Variants in WDR11 observed in about 807,000 individuals in gnomAD.
WDR11 encodes the protein WD repeat domain 11, also known as WD repeat-containing protein 11.
A neutral mutation model predicts 151.2 loss-of-function variants in WDR11; 83 were observed. The observed-to-expected ratio is 0.55, with a 90% confidence interval of 0.46 to 0.66. The LOEUF (loss-of-function observed/expected upper bound fraction) is 0.66, where lower values mean the gene tolerates loss of function less well. Among genes scored for constraint, WDR11 ranks in the 30% least tolerant of loss-of-function variants. The pLI is 0.00. For missense variants in WDR11, 1,301 were observed against 1,480.9 expected, an observed-to-expected ratio of 0.88 and a Z score of 1.99; for synonymous variants, 484 against 533.1, an observed-to-expected ratio of 0.91 and a Z score of 1.27.
At chr10:120,872,141 G>T (rs960862020) in intron 10 of WDR11, among the ~76,000 whole-genome samples, 1 of 152,050 alleles carries the variant, frequency 6.6e-6, no homozygotes, top group Non-Finnish European at 1.5e-5. Flanking sequence ...TTATTCTGTG[G>T]CCAACATGGC....
Position 120,860,094 on chromosome 10 carries a change from A to G in WDR11, c.353-15A>G, listed in dbSNP as rs369399079. 3.7e-6 allele frequency: 6 copies of G among 1,614,006 alleles called. No homozygotes were observed. The highest frequency in any genetic ancestry group is 1.6e-4 in the Middle Eastern group (1 of 6,084). ...TGGTTTCTGAATTTTGCCTTTCTTT[A>G]TCGGGTCTTTCCAGATGTTCAGTGG... On this transcript the variant is annotated splice_polypyrimidine_tract_variant and intron_variant, in intron 3 of 28. Coordinates refer to ENST00000263461, the MANE Select transcript of WDR11 (RefSeq NM_018117.12).
chr10:120,894,885 T>A (rs1357570546), intron 19 of WDR11, among the ~76,000 whole-genome samples: 3 of 151,690 alleles, frequency 2.0e-5, no homozygotes, highest in Non-Finnish European at 2.9e-5. Context: ...TCATGGCTGA[T>A]CTTTACCTTT....
intron 9 of WDR11, among the ~76,000 whole-genome samples, chr10:120,870,658 C>T (rs1341543485): frequency 6.6e-6 from 1 of 152,144 alleles, no homozygotes; most frequent in Admixed American, 6.5e-5. Context: ...TTTGTAATTA[C>T]ACTGACACAT....
At position 120,903,186 on chromosome 10, in the gene WDR11, C is replaced by T. The variant is rs752186454; in HGVS notation, c.2885C>T (p.Pro962Leu). 2.5e-6 allele frequency: 4 copies of T among 1,614,190 alleles called. No individual in the cohort carries two copies. The highest frequency in any genetic ancestry group is 1.1e-5 in the South Asian group (1 of 91,084). Reference sequence around the variant, plus strand: ...GCTCCTCGAGACAAACTGAGCAACCCACTGGATATATGCTATGACGTGCTC... The same window carrying T: ...GCTCCTCGAGACAAACTGAGCAACCTACTGGATATATGCTATGACGTGCTC... ...EAAPRDKLSN[P>L]LDICYDVLCE... Residue 962 changes from proline (P) to leucine (L), a missense_variant, in exon 23 of 29, where the codon CCA becomes CTA. Pro to Leu is a moderately conservative substitution (Grantham distance 98). Transcript: ENST00000263461.
chr10:120,865,151 T>C lies in WDR11; in HGVS notation c.818T>C (p.Leu273Pro), dbSNP rs767643761. The C allele has an allele frequency of 3.7e-6, 6 of 1,613,958 alleles. No individual in the cohort carries two copies. The highest frequency in any genetic ancestry group is 4.2e-6 in the Non-Finnish European group (5 of 1,179,882). ...CCTCGAGAGATTTTAATCCTTGACC[T>C]TGAGGTGAATCAGACGGTGGGTGTG... ...LYPREILILDLEVNQTVGVIA... is the reference protein window; with the variant it reads ...LYPREILILDPEVNQTVGVIA... The change falls in exon 6 of 29, where the codon CTT becomes CCT. Residue 273 changes from leucine (L) to proline (P), a missense_variant. Around this residue, in one of 3 missense-constraint regions of WDR11, gnomAD observed 692 missense variants for 762.5 expected, o/e 0.91. Coordinates refer to ENST00000263461, the MANE Select transcript of WDR11 (RefSeq NM_018117.12).
intron 21 of WDR11, among the ~76,000 whole-genome samples, chr10:120,901,697 C>T (rs1026060795): frequency 4.6e-5 from 7 of 151,974 alleles, no homozygotes; most frequent in Admixed American, 3.9e-4. Context: ...ATTTTATTGA[C>T]GGAAAATTCA....
intron 11 of WDR11, among the ~76,000 whole-genome samples, chr10:120,874,216 TGTTTTGTTTTG>T (rs1846671540): frequency 1.6e-5 from 2 of 127,002 alleles, no homozygotes; most frequent in Non-Finnish European, 3.3e-5. Context: ...TTGTTTGTTT[TGTTTTGTTTTG>T]TTTTTTTTAA....
chr10:120,896,092 C>A (rs927819279), intron 19 of WDR11, among the ~76,000 whole-genome samples: 3 of 152,206 alleles, frequency 2.0e-5, no homozygotes, highest in African/African-American at 7.2e-5. Flanking sequence ...CTGGGGACAT[C>A]TGCAGAATGG....
rs373343312 is a variant in WDR11, at chr10:120,906,049, C to T, written c.3437+28C>T. 40 of 1,612,736 alleles carry T rather than the reference C, an allele frequency of 2.5e-5. No individual in the cohort carries two copies. In the African/African-American group the frequency reaches 4.1e-4, roughly 17 times the overall value. ...AAACCGAGAGTTCACATGGGCTGCT[C>T]AGGCCTGCCCGTGAGCAGTCACTTC... On this transcript the variant is annotated intron_variant, in intron 27 of 28. Transcript: ENST00000263461.
At position 120,857,079 on chromosome 10, in the gene WDR11, C is replaced by CATATAT. The variant is rs138746996; in HGVS notation, c.199-1557_199-1552dup. On this transcript the variant is annotated intron_variant, in intron 2 of 28. Coordinates refer to ENST00000263461, the MANE Select transcript of WDR11 (RefSeq NM_018117.12). Reference sequence around the variant, plus strand: ...ACACATGCCTGAGCAAAGATTATCACATATATATATATGTATGTATTTTTT... The same window carrying CATATAT: ...ACACATGCCTGAGCAAAGATTATCACATATATATATATATATATGTATGTATTTTTT... Among the ~76,000 whole-genome samples the CATATAT allele has an allele frequency of 6.5e-3, 985 of 151,320 alleles. 13 individuals carry two copies. Among genetic ancestry groups the CATATAT allele is most frequent in the African/African-American group, 0.023 (947 of 41,200 alleles).
chr10:120,908,550 G>A lies in WDR11; in HGVS notation c.3518-6G>A, dbSNP rs773503645. 2.8e-5 allele frequency: 45 copies of A among 1,613,942 alleles called. No homozygotes were observed. The highest frequency in any genetic ancestry group is 3.8e-5 in the Non-Finnish European group (45 of 1,179,994). ...TTTACTCTTCTTTTCCTTAACTATG[G>A]TTTACAGAAACTCATCACTGCTATA... On this transcript the variant is annotated splice_polypyrimidine_tract_variant and splice_region_variant and intron_variant, in intron 28 of 28. Coordinates refer to ENST00000263461, the MANE Select transcript of WDR11 (RefSeq NM_018117.12).
intron 28 of WDR11, 24 bp from the exon 29 acceptor site, chr10:120,908,532 T>C (rs1848158352): frequency 1.2e-6 from 2 of 1,613,870 alleles, no homozygotes; most frequent in Non-Finnish European, 1.7e-6. Context: ...CTTTTTACTC[T>C]TCTTTTCCTT....
At position 120,851,400 on chromosome 10, in the gene WDR11, G is replaced by T; in HGVS notation, c.-21G>T. ...CTTCCTGGTTGCGGGTCAGCGCCCAGGTCCTGGGCTGGCCGCCGGGATGTT... is the reference window on the plus strand; with the variant it reads ...CTTCCTGGTTGCGGGTCAGCGCCCATGTCCTGGGCTGGCCGCCGGGATGTT... On this transcript the variant is annotated 5_prime_UTR_variant, in exon 1 of 29. It adds an upstream start codon to the 5' untranslated region. Coordinates refer to ENST00000263461, the MANE Select transcript of WDR11 (RefSeq NM_018117.12). 1 of 1,602,668 alleles carries T rather than the reference G, an allele frequency of 6.2e-7. No individual in the cohort carries two copies.
chr10:120,874,191 TTGTTGTTGTTGTTG>T (rs775790532), intron 11 of WDR11, among the ~76,000 whole-genome samples: 1 of 63,662 alleles, frequency 1.6e-5, no homozygotes, highest in Non-Finnish European at 3.6e-5. Context: ...TTTTTTTTTT[TTGTTGTTGTTGTTG>T]TTGTTTGTTT....
intron 9 of WDR11, among the ~76,000 whole-genome samples, chr10:120,870,709 C>A (rs974858817): frequency 5.3e-5 from 8 of 152,114 alleles, no homozygotes; most frequent in African/African-American, 1.7e-4. Context: ...TTATTTAAAT[C>A]TGTTTTTCAT....
intron 23 of WDR11, 117 bp downstream of exon 23, chr10:120,903,349 A>T: frequency 7.6e-7 from 1 of 1,317,872 alleles, no homozygotes; most frequent in East Asian, 2.5e-5. Context: ...AATAGAAATA[A>T]GCCCTTGAAA....
Position 120,852,608 on chromosome 10 carries a change from A to G in WDR11, c.171A>G (p.Leu57=). 6.2e-7 allele frequency: 1 copy of G among 1,614,042 alleles called. No homozygotes were observed. The highest frequency in any genetic ancestry group is 8.5e-7 in the Non-Finnish European group (1 of 1,179,956). Residue 57 remains leucine, a synonymous_variant, in exon 2 of 29, where the codon TTA becomes TTG. Coordinates refer to ENST00000263461, the MANE Select transcript of WDR11 (RefSeq NM_018117.12). ...DSITAQTLQV[L]EKHKADVVKV... ...TTACTGCCCAAACTCTTCAAGTTTT[A>G]GAAAAGCATAAAGCTGATGTTGTAA...
chr10:120,905,242 T>C, intron 25 of WDR11, 77 bp from the exon 26 acceptor site: 1 of 1,416,906 alleles, frequency 7.1e-7, no homozygotes. Context: ...TAAGGTCAAA[T>C]GGGGATTTAA....
At chr10:120,874,184 TTTTTTTTTG>T (rs1187768243) in intron 11 of WDR11, among the ~76,000 whole-genome samples, 18 of 62,384 alleles carry the variant, frequency 2.9e-4, no homozygotes, top group African/African-American at 5.6e-4. Flanking sequence ...CAGTTTTTTT[TTTTTTTTTG>T]TTGTTGTTGT....
Sources: allele counts gnomAD v4.1 joint callset (sites outside exome capture counted in the v4.1 genomes callset), GRCh38; gene constraint gnomAD v4.1.1; regional missense constraint gnomAD v4.1.1; transcripts MANE v1.5; gene names NCBI Gene and HGNC (gene_info 2026-07-23, HGNC 2026-07-21).